Variants in ERVV-1 observed in about 807,000 individuals in gnomAD.
ERVV-1 encodes the protein endogenous retrovirus group V member 1, envelope, also known as endogenous retrovirus group V member 1 Env polyprotein.
For missense variants in ERVV-1, 150 were observed against 456.5 expected (o/e 0.33, Z 6.12); for synonymous variants, 59 against 170.2 (o/e 0.35, Z 5.09).
rs1243323019 is a variant in ERVV-1 at position 53,015,451 on chromosome 19, C to A, written c.1361C>A (p.Thr454Lys). 13 of 701,284 alleles carry A rather than the reference C, an allele frequency of 1.9e-5. No individual in the cohort carries two copies. Among genetic ancestry groups the A allele is most frequent in the Middle Eastern group, 2.3e-4 (1 of 4,372 alleles). 43.4% of individuals were successfully genotyped at this position (701,284 alleles called of 1,614,324 possible). ...EAVKSALPSLTWFVPLLGPAA... is the reference protein window; with the variant it reads ...EAVKSALPSLKWFVPLLGPAA... Reference sequence around the variant, plus strand: ...GTGAAGTCTGCCCTCCCCTCCCTCACATGGTTTGTCCCTTTACTGGGACCA... The same window carrying A: ...GTGAAGTCTGCCCTCCCCTCCCTCAAATGGTTTGTCCCTTTACTGGGACCA... The change falls in exon 1 of 1, where the codon ACA (threonine) becomes AAA (lysine). Residue 454 changes from threonine to lysine, a missense_variant. Coordinates refer to ENST00000602168, the MANE Select transcript of ERVV-1 (RefSeq NM_152473.3).
rs1489112222 is a variant in ERVV-1 at position 53,015,536 on chromosome 19, AAT to A, written c.*15_*16del. 6 of 627,272 alleles carry A rather than the reference AAT, an allele frequency of 9.6e-6. No individual in the cohort carries two copies. Among genetic ancestry groups the A allele is most frequent in the Non-Finnish European group, 1.7e-5 (6 of 351,972 alleles). 38.9% of individuals were successfully genotyped at this position (627,272 alleles called of 1,614,324 possible). ...CCTTGTCTCTATAATTCACTAATTAAATATGTCTCTTCCAGGATATGGCAATT... is the reference window on the plus strand; with the variant it reads ...CCTTGTCTCTATAATTCACTAATTAAATGTCTCTTCCAGGATATGGCAATT... On this transcript the variant is annotated 3_prime_UTR_variant, in exon 1 of 1. Transcript: ENST00000602168.
chr19:53,015,663 A>G lies in ERVV-1; in HGVS notation c.*139A>G. 1.7e-6 allele frequency: 1 copy of G among 574,912 alleles called. No individual in the cohort carries two copies. The allele number at this position is 574,912 out of a possible 1,614,324, so 35.6% of individuals were successfully genotyped here. A position where few individuals can be genotyped will look rare whatever the true frequency, so the allele number is the denominator to read the frequency against. On this transcript the variant is annotated 3_prime_UTR_variant, in exon 1 of 1. Coordinates refer to ENST00000602168, the MANE Select transcript of ERVV-1 (RefSeq NM_152473.3). Reference sequence around the variant, plus strand: ...CTCCCTTGGATGCCAGTGGGCAAAGATTCTGCAACTACGGAGGGGCTCCTT... The same window carrying G: ...CTCCCTTGGATGCCAGTGGGCAAAGGTTCTGCAACTACGGAGGGGCTCCTT...
chr19:53,015,139 G>C lies in ERVV-1; in HGVS notation c.1049G>C (p.Arg350Thr). The C allele has an allele frequency of 1.2e-6, 1 of 815,952 alleles. No individual in the cohort carries two copies. Among genetic ancestry groups the C allele is most frequent in the East Asian group, 2.7e-5 (1 of 37,468 alleles). The allele number at this position is 815,952 out of a possible 1,614,324, so 50.5% of individuals were successfully genotyped here. ...TTCACTTATCATGATGTCACCCTCAGAAATCTCTCCAGACAAATAGACAAC... is the reference window on the plus strand; with the variant it reads ...TTCACTTATCATGATGTCACCCTCACAAATCTCTCCAGACAAATAGACAAC... The part of the protein sequence containing the change: ...GGFTYHDVTL[R>T]NLSRQIDNIA... The change falls in exon 1 of 1, where the codon AGA (arginine) becomes ACA (threonine). Residue 350 changes from arginine to threonine, a missense_variant. Coordinates refer to ENST00000602168, the MANE Select transcript of ERVV-1 (RefSeq NM_152473.3).
At position 53,013,966 on chromosome 19, in the gene ERVV-1, G is replaced by T; in HGVS notation, c.-125G>T. 6.9e-7 allele frequency: 1 copy of T among 1,444,416 alleles called. No homozygotes were observed. Among genetic ancestry groups the T allele is most frequent in the South Asian group, 1.3e-5 (1 of 78,448 alleles). The allele number at this position is 1,444,416 out of a possible 1,614,324, so 89.5% of individuals were successfully genotyped here. On this transcript the variant is annotated 5_prime_UTR_variant, in exon 1 of 1. The change abolishes an upstream ATG in the 5' untranslated region. Coordinates refer to ENST00000602168, the MANE Select transcript of ERVV-1 (RefSeq NM_152473.3). Reference sequence around the variant, plus strand: ...TCCTTATTTTGACCCACACTGGCATGCCACCTGAAGTCCCGATAACAGCCT... The same window carrying T: ...TCCTTATTTTGACCCACACTGGCATTCCACCTGAAGTCCCGATAACAGCCT...
chr19:53,013,983 T>A lies in ERVV-1; in HGVS notation c.-108T>A, dbSNP rs1440282785. ...ACTGGCATGCCACCTGAAGTCCCGA[T>A]AACAGCCTGATTTCTCACTAAACAC... On this transcript the variant is annotated 5_prime_UTR_variant, in exon 1 of 1. Coordinates refer to ENST00000602168, the MANE Select transcript of ERVV-1 (RefSeq NM_152473.3). 1 of 1,512,524 alleles carries A rather than the reference T, an allele frequency of 6.6e-7. No homozygotes were observed. Among genetic ancestry groups the A allele is most frequent in the East Asian group, 2.5e-5 (1 of 40,722 alleles). 93.7% of individuals were successfully genotyped at this position (1,512,524 alleles called of 1,614,324 possible).
chr19:53,015,764 C>T lies in ERVV-1; in HGVS notation c.*240C>T. 3 of 449,956 alleles carry T rather than the reference C, an allele frequency of 6.7e-6. No individual in the cohort carries two copies. Among genetic ancestry groups the T allele is most frequent in the South Asian group, 5.2e-5 (1 of 19,142 alleles). The allele number at this position is 449,956 out of a possible 1,614,324, so 27.9% of individuals were successfully genotyped here. A position where few individuals can be genotyped will look rare whatever the true frequency, so the allele number is the denominator to read the frequency against. On this transcript the variant is annotated 3_prime_UTR_variant, in exon 1 of 1. Coordinates refer to ENST00000602168, the MANE Select transcript of ERVV-1 (RefSeq NM_152473.3). ...TCAGCAGGAAGTAGTTACAGAAGACCCACGACGTCCTTATGCCCAAAGCTT... is the reference window on the plus strand; with the variant it reads ...TCAGCAGGAAGTAGTTACAGAAGACTCACGACGTCCTTATGCCCAAAGCTT...
Position 53,015,575 on chromosome 19 carries a change from C to T in ERVV-1, c.*51C>T, listed in dbSNP as rs775115851. ...AGGATATGGCAATTTCACACAGAGCCCCTAAAAATGGAAAGAGATCATCCA... is the reference window on the plus strand; with the variant it reads ...AGGATATGGCAATTTCACACAGAGCTCCTAAAAATGGAAAGAGATCATCCA... On this transcript the variant is annotated 3_prime_UTR_variant, in exon 1 of 1. Coordinates refer to ENST00000602168, the MANE Select transcript of ERVV-1 (RefSeq NM_152473.3). The T allele has an allele frequency of 6.7e-5, 41 of 611,650 alleles. No individual in the cohort carries two copies. The highest frequency in any genetic ancestry group is 1.0e-4 in the Non-Finnish European group (35 of 344,068). The allele number at this position is 611,650 out of a possible 1,614,324, so 37.9% of individuals were successfully genotyped here.
rs1294467031 is a variant in ERVV-1, at chr19:53,015,372, A to G, written c.1282A>G (p.Thr428Ala). Reference protein sequence around the residue: ...EDIKKIYDEVTWLHNFGKGDS... With the variant: ...EDIKKIYDEVAWLHNFGKGDS... Reference sequence around the variant, plus strand: ...TATAAAAAAGATCTATGATGAGGTTACGTGGCTCCATAACTTTGGAAAAGG... The same window carrying G: ...TATAAAAAAGATCTATGATGAGGTTGCGTGGCTCCATAACTTTGGAAAAGG... The change falls in exon 1 of 1, where the codon ACG becomes GCG. Residue 428 changes from threonine (T) to alanine (A), a missense_variant. Coordinates refer to ENST00000602168, the MANE Select transcript of ERVV-1 (RefSeq NM_152473.3). 1 of 704,076 alleles carries G rather than the reference A, an allele frequency of 1.4e-6. No individual in the cohort carries two copies. The allele number at this position is 704,076 out of a possible 1,614,324, so 43.6% of individuals were successfully genotyped here. A position where few individuals can be genotyped will look rare whatever the true frequency, so the allele number is the denominator to read the frequency against.
rs578109980 is a variant in ERVV-1 at position 53,014,929 on chromosome 19, T to C, written c.839T>C (p.Val280Ala). ...AAGATAACTTATTCAACCCCCCCTG[T>C]GGCAAACCTCTACACTTGCATTAAT... Reference protein sequence around the residue: ...SPKITYSTPPVANLYTCINNI... With the variant: ...SPKITYSTPPAANLYTCINNI... The change falls in exon 1 of 1, where the codon GTG (valine) becomes GCG (alanine). Residue 280 changes from valine (V) to alanine (A), a missense_variant. By Grantham distance (64) the Val-to-Ala change is moderately conservative (BLOSUM62 0). Coordinates refer to ENST00000602168, the MANE Select transcript of ERVV-1 (RefSeq NM_152473.3). 6.5e-7 allele frequency: 1 copy of C among 1,535,896 alleles called. No homozygotes were observed. The highest frequency in any genetic ancestry group is 1.2e-5 in the South Asian group (1 of 84,054).
rs2083786038 is a variant in ERVV-1, at chr19:53,015,829, T to C, written c.*305T>C. On this transcript the variant is annotated 3_prime_UTR_variant, in exon 1 of 1. Transcript: ENST00000602168. ...CTCTTGAGGGGGAATACTGTTAGGG[T>C]AGGCAGGTAGCCAGACAAGAGCAGG... 1 of 270,574 alleles carries C rather than the reference T, an allele frequency of 3.7e-6. No individual in the cohort carries two copies. The highest frequency in any genetic ancestry group is 2.2e-5 in the African/African-American group (1 of 44,732). The allele number at this position is 270,574 out of a possible 1,614,324, so 16.8% of individuals were successfully genotyped here.
In ERVV-1 at chr19:53,015,601, A is replaced by T; in HGVS notation, c.*77A>T. 1.6e-6 allele frequency: 1 copy of T among 609,424 alleles called. No homozygotes were observed. The highest frequency in any genetic ancestry group is 2.0e-5 in the South Asian group (1 of 50,394). The allele number at this position is 609,424 out of a possible 1,614,324, so 37.8% of individuals were successfully genotyped here. ...CCTAAAAATGGAAAGAGATCATCCA[A>T]TCTTCCTTGGAGGTCCCAGCACCTA... On this transcript the variant is annotated 3_prime_UTR_variant, in exon 1 of 1. Coordinates refer to ENST00000602168, the MANE Select transcript of ERVV-1 (RefSeq NM_152473.3).
In ERVV-1 at chr19:53,015,768, G is replaced by A. The variant is rs2083785681; in HGVS notation, c.*244G>A. The A allele has an allele frequency of 9.0e-6, 4 of 444,256 alleles. No homozygotes were observed. Among genetic ancestry groups the A allele is most frequent in the Non-Finnish European group, 1.2e-5 (3 of 256,234 alleles). 27.5% of individuals were successfully genotyped at this position (444,256 alleles called of 1,614,324 possible). A position where few individuals can be genotyped will look rare whatever the true frequency, so the allele number is the denominator to read the frequency against. ...CAGGAAGTAGTTACAGAAGACCCAC[G>A]ACGTCCTTATGCCCAAAGCTTTTCA... On this transcript the variant is annotated 3_prime_UTR_variant, in exon 1 of 1. Coordinates refer to ENST00000602168, the MANE Select transcript of ERVV-1 (RefSeq NM_152473.3).
rs546181962 is a variant in ERVV-1, at chr19:53,016,115, A to T, written c.*591A>T. 4 of 152,048 alleles carry T rather than the reference A, an allele frequency of 2.6e-5. No homozygotes were observed. The highest frequency in any genetic ancestry group is 2.1e-4 in the South Asian group (1 of 4,812). The allele number at this position is 152,048 out of a possible 1,614,324, so 9.4% of individuals were successfully genotyped here. A position where few individuals can be genotyped will look rare whatever the true frequency, so the allele number is the denominator to read the frequency against. ...ATACCATTTTGTTCATTAAAATAATAAAAAAAACCACACACCTGTGTGGAG... is the reference window on the plus strand; with the variant it reads ...ATACCATTTTGTTCATTAAAATAATTAAAAAAACCACACACCTGTGTGGAG... On this transcript the variant is annotated 3_prime_UTR_variant, in exon 1 of 1. Transcript: ENST00000602168.
In ERVV-1 at chr19:53,015,212, A is replaced by G. The variant is rs1283968450; in HGVS notation, c.1122A>G (p.Ile374Met). The G allele has an allele frequency of 2.6e-6, 2 of 772,086 alleles. No homozygotes were observed. Among genetic ancestry groups the G allele is most frequent in the African/African-American group, 3.5e-5 (2 of 57,902 alleles). The allele number at this position is 772,086 out of a possible 1,614,324, so 47.8% of individuals were successfully genotyped here. The change falls in exon 1 of 1, where the codon ATA (isoleucine) becomes ATG (methionine). Residue 374 changes from isoleucine to methionine, a missense_variant. By Grantham distance (10) the Ile-to-Met change is conservative. Coordinates refer to ENST00000602168, the MANE Select transcript of ERVV-1 (RefSeq NM_152473.3). The stretch of plus-strand genomic sequence containing the variant: ...GCATCTCTAAACTCAAGGCCTCCAT[A>G]GATTCTCTAGCAAATGTAGTCATGA... ...RDSISKLKAS[I>M]DSLANVVMNN...
In ERVV-1 at chr19:53,014,858, T is replaced by C; in HGVS notation, c.768T>C (p.Phe256=). The change falls in exon 1 of 1, where the codon TTT becomes TTC. Residue 256 remains phenylalanine, a synonymous_variant. Coordinates refer to ENST00000602168, the MANE Select transcript of ERVV-1 (RefSeq NM_152473.3). ...RWACTPPGYV[F]LCGPQKNKLP... is the part of the protein sequence containing the mutation. Reference sequence around the variant, plus strand: ...CCTGTACCCCTCCTGGCTATGTATTTTTATGTGGGCCACAAAAAAATAAAC... The same window carrying C: ...CCTGTACCCCTCCTGGCTATGTATTCTTATGTGGGCCACAAAAAAATAAAC... 2 of 1,535,294 alleles carry C rather than the reference T, an allele frequency of 1.3e-6. No homozygotes were observed. The highest frequency in any genetic ancestry group is 2.7e-5 in the African/African-American group (2 of 72,812).
At position 53,015,239 on chromosome 19, in the gene ERVV-1, C is replaced by A. The variant is rs1026564653; in HGVS notation, c.1149C>A (p.Asn383Lys). ...SIDSLANVVM[N>K]NRLALDYLLA... ...ATTCTCTAGCAAATGTAGTCATGAA[C>A]AACAGATTGGCCTTAGATTACCTCT... The change falls in exon 1 of 1, where the codon AAC becomes AAA. Residue 383 changes from asparagine (N) to lysine (K), a missense_variant. Physicochemically the swap from Asn to Lys is moderately conservative, Grantham distance 94 (BLOSUM62 0). Transcript: ENST00000602168. 2 of 783,008 alleles carry A rather than the reference C, an allele frequency of 2.6e-6. No homozygotes were observed. Among genetic ancestry groups the A allele is most frequent in the African/African-American group, 3.4e-5 (2 of 58,062 alleles). 48.5% of individuals were successfully genotyped at this position (783,008 alleles called of 1,614,324 possible).
chr19:53,013,972 T>C lies in ERVV-1; in HGVS notation c.-119T>C. The C allele has an allele frequency of 6.8e-7, 1 of 1,479,698 alleles. No individual in the cohort carries two copies. Among genetic ancestry groups the C allele is most frequent in the Admixed American group, 2.0e-5 (1 of 50,404 alleles). The allele number at this position is 1,479,698 out of a possible 1,614,324, so 91.7% of individuals were successfully genotyped here. A position where few individuals can be genotyped will look rare whatever the true frequency, so the allele number is the denominator to read the frequency against. ...TTTTGACCCACACTGGCATGCCACC[T>C]GAAGTCCCGATAACAGCCTGATTTC... On this transcript the variant is annotated 5_prime_UTR_variant, in exon 1 of 1. Transcript: ENST00000602168.
Position 53,014,082 on chromosome 19 carries a change from G to GA in ERVV-1, c.-7dup. 1 of 1,174,688 alleles carries GA rather than the reference G, an allele frequency of 8.5e-7. No individual in the cohort carries two copies. Among genetic ancestry groups the GA allele is most frequent in the Non-Finnish European group, 1.2e-6 (1 of 824,212 alleles). The allele number at this position is 1,174,688 out of a possible 1,614,324, so 72.8% of individuals were successfully genotyped here. A position where few individuals can be genotyped will look rare whatever the true frequency, so the allele number is the denominator to read the frequency against. On this transcript the variant is annotated 5_prime_UTR_variant, in exon 1 of 1. Transcript: ENST00000602168. Reference sequence around the variant, plus strand: ...TTTTGCTTTCACAAAGCTTAAGGGAGAATCAGCTATGACAGAGAAATTCCT... The same window carrying GA: ...TTTTGCTTTCACAAAGCTTAAGGGAGAAATCAGCTATGACAGAGAAATTCCT...
Position 53,015,948 on chromosome 19 carries a change from T to TAC in ERVV-1, c.*424_*425insAC. 7.2e-5 allele frequency: 12 copies of TAC among 167,616 alleles called. No homozygotes were observed. The highest frequency in any genetic ancestry group is 1.9e-4 in the South Asian group (1 of 5,278). The allele number at this position is 167,616 out of a possible 1,614,324, so 10.4% of individuals were successfully genotyped here. ...CGCTGAGTCAGCAAAAGGAGGAGCG[T>TAC]GGCTACACTGGCTACACCTGGCCTT... On this transcript the variant is annotated 3_prime_UTR_variant, in exon 1 of 1. Coordinates refer to ENST00000602168, the MANE Select transcript of ERVV-1 (RefSeq NM_152473.3).
Sources: allele counts gnomAD v4.1 joint callset, GRCh38; gene constraint gnomAD v4.1.1; transcripts MANE v1.5; gene names NCBI Gene and HGNC (gene_info 2026-07-23, HGNC 2026-07-21).